Variants in TTC28 observed in about 807,000 individuals in gnomAD.
The protein encoded by TTC28 is tetratricopeptide repeat protein 28.
A neutral mutation model predicts 198.0 loss-of-function variants in TTC28; 61 were observed. That is an observed-to-expected ratio of 0.31 (90% confidence interval 0.25 to 0.38). The LOEUF is 0.38. Among genes scored for constraint, TTC28 ranks in the 10% least tolerant of loss-of-function variants. The probability of loss-of-function intolerance (pLI) is 1.00; values close to 1 mark genes in which losing one functional copy is unlikely to be tolerated. For synonymous variants in TTC28, 1,171 were observed against 1,297.8 expected, an observed-to-expected ratio of 0.90 and a Z score of 2.10; for missense variants, 2,678 against 3,164.0, an observed-to-expected ratio of 0.85 and a Z score of 3.69.
chr22:28,188,050 A>C (rs1427365666), intron 5 of TTC28, among the ~76,000 whole-genome samples: 3 of 152,214 alleles, frequency 2.0e-5, no homozygotes, highest in Non-Finnish European at 4.4e-5. Flanking sequence ...AAATATAAAA[A>C]TAAACGAGAC....
intron 12 of TTC28, among the ~76,000 whole-genome samples, chr22:28,051,746 C>A (rs760523612): frequency 4.6e-5 from 7 of 152,296 alleles, no homozygotes; most frequent in Non-Finnish European, 8.8e-5. Context: ...TCTAATCCTT[C>A]CATTTAAATA....
intron 6 of TTC28, among the ~76,000 whole-genome samples, chr22:28,132,066 T>C (rs1011766126): frequency 4.6e-5 from 7 of 152,044 alleles, no homozygotes; most frequent in African/African-American, 1.7e-4. Context: ...TTCCCAACAG[T>C]TATACTCTAA....
intron 14 of TTC28, among the ~76,000 whole-genome samples, chr22:28,013,264 G>A (rs747812239): frequency 1.3e-5 from 2 of 152,244 alleles, no homozygotes; most frequent in Non-Finnish European, 2.9e-5. Flanking sequence ...CTGCTGGGAA[G>A]AAGGGGCCAT....
chr22:28,013,014 G>GCCAGAGAACAT (rs138674), intron 14 of TTC28, among the ~76,000 whole-genome samples: 12,052 of 152,206 alleles, frequency 0.079, 510 homozygotes, highest in South Asian at 0.09. Flanking sequence ...CTGTCCCCAA[G>GCCAGAGAACAT]CCAGAGAACA....
intron 2 of TTC28, among the ~76,000 whole-genome samples, chr22:28,374,736 C>A (rs2146002426): frequency 6.6e-6 from 1 of 152,318 alleles, no homozygotes; most frequent in South Asian, 2.1e-4. Context: ...GGCTGGAGTG[C>A]AGTGGCACGA....
At chr22:28,574,755 T>C (rs2050119692) in intron 2 of TTC28, among the ~76,000 whole-genome samples, 1 of 152,198 alleles carries the variant, frequency 6.6e-6, no homozygotes, top group African/African-American at 2.4e-5. Flanking sequence ...GTAATTTTGA[T>C]TTGCATTTTT....
At chr22:28,057,071 G>A (rs77788090) in intron 12 of TTC28, among the ~76,000 whole-genome samples, 6,688 of 152,192 alleles carry the variant, frequency 0.044, 218 homozygotes, top group Non-Finnish European at 0.069. Context: ...TTATGATTTG[G>A]AGGTATTATG....
chr22:28,591,076 TATATATATAG>T (rs1569045148), intron 2 of TTC28, among the ~76,000 whole-genome samples: 1 of 114,176 alleles, frequency 8.8e-6, no homozygotes, highest in Non-Finnish European at 1.9e-5. Context: ...TATATATATA[TATATATATAG>T]GAATTGTGAC....
At chr22:27,985,030 G>A (rs995778688) in intron 22 of TTC28, among the ~76,000 whole-genome samples, 8 of 152,198 alleles carry the variant, frequency 5.3e-5, no homozygotes, top group African/African-American at 1.9e-4. Flanking sequence ...CCCTTGCCCT[G>A]CTTGAGCACG....
intron 5 of TTC28, among the ~76,000 whole-genome samples, chr22:28,264,916 T>C (rs540518595): frequency 1.8e-4 from 27 of 152,242 alleles, no homozygotes; most frequent in South Asian, 1.5e-3. Flanking sequence ...CCAGAGACAA[T>C]AGTATCGAAT....
At chr22:28,610,468 G>A (rs2050802007) in intron 2 of TTC28, among the ~76,000 whole-genome samples, 1 of 152,148 alleles carries the variant, frequency 6.6e-6, no homozygotes, top group African/African-American at 2.4e-5. Flanking sequence ...TGGACCTCCA[G>A]CAAACTCCAA....
chr22:28,213,995 T>C (rs531264797), intron 5 of TTC28, among the ~76,000 whole-genome samples: 1 of 152,254 alleles, frequency 6.6e-6, no homozygotes, highest in East Asian at 1.9e-4. Flanking sequence ...AACCATCTGA[T>C]CTTTGACAAA....
At chr22:28,638,775 A>G (rs1015879485) in intron 1 of TTC28, among the ~76,000 whole-genome samples, 6 of 152,230 alleles carry the variant, frequency 3.9e-5, no homozygotes, top group Non-Finnish European at 7.3e-5. Flanking sequence ...TCAGAAATAA[A>G]AAATTAGCAA....
chr22:28,567,932 G>C (rs901402196), intron 2 of TTC28, among the ~76,000 whole-genome samples: 21 of 152,026 alleles, frequency 1.4e-4, no homozygotes, highest in Admixed American at 8.5e-4. Flanking sequence ...AATACTCAAC[G>C]TGTTTCAAAT....
At chr22:28,012,880 A>G (rs1938215827) in intron 14 of TTC28, among the ~76,000 whole-genome samples, 1 of 152,080 alleles carries the variant, frequency 6.6e-6, no homozygotes, top group Non-Finnish European at 1.5e-5. Context: ...TCATTTTCTA[A>G]TGAGGAAACA....
chr22:28,283,118 TGA>T (rs925725122), intron 5 of TTC28, among the ~76,000 whole-genome samples: 3 of 152,146 alleles, frequency 2.0e-5, no homozygotes, highest in African/African-American at 7.2e-5. Context: ...TTCAGTGATT[TGA>T]GAGTTACTGT....
At chr22:28,349,710 ATAAAT>A (rs1228216784) in intron 2 of TTC28, among the ~76,000 whole-genome samples, 1 of 152,256 alleles carries the variant, frequency 6.6e-6, no homozygotes, top group Non-Finnish European at 1.5e-5. Flanking sequence ...ATGAGACTGA[ATAAAT>A]TAAAGTGTAT....
chr22:28,650,549 A>G (rs1418254786), intron 1 of TTC28, among the ~76,000 whole-genome samples: 1 of 152,244 alleles, frequency 6.6e-6, no homozygotes, highest in Non-Finnish European at 1.5e-5. Flanking sequence ...AAATATGATC[A>G]AAAGAAACCT....
intron 5 of TTC28, among the ~76,000 whole-genome samples, chr22:28,263,133 T>C (rs967971322): frequency 4.6e-5 from 7 of 152,176 alleles, no homozygotes; most frequent in African/African-American, 1.2e-4. Flanking sequence ...TTGATTGAGA[T>C]GAATAAGAGA....
Sources: allele counts gnomAD v4.1 joint callset (sites outside exome capture counted in the v4.1 genomes callset), GRCh38; gene constraint gnomAD v4.1.1; transcripts MANE v1.5; gene names NCBI Gene and HGNC (gene_info 2026-07-23, HGNC 2026-07-21).